The following EDARADD variants were observed in gnomAD, a reference collection of about 807,000 sequenced individuals.
The protein encoded by EDARADD is EDAR associated via death domain.
Under a neutral mutation model 25.6 loss-of-function variants are expected in EDARADD, and 20 were observed. The observed-to-expected ratio is 0.78, with a 90% CI of 0.55 to 1.14. EDARADD has a LOEUF of 1.14. EDARADD is among the 50% of genes most tolerant of loss of function. The pLI, the probability that EDARADD is intolerant of heterozygous loss-of-function variation, is 0.00. For synonymous variants in EDARADD, 86 were observed against 94.4 expected (o/e 0.91, Z 0.52); for missense variants, 225 against 270.1 (o/e 0.83, Z 1.17).
Position 236,482,644 on chromosome 1 carries a change from T to A in EDARADD, c.643T>A (p.Phe215Ile). The A allele has an allele frequency of 6.2e-7, 1 of 1,611,796 alleles. No homozygotes were observed. Among genetic ancestry groups the A allele is most frequent in the South Asian group, 1.1e-5 (1 of 91,006 alleles). Residue 215 changes from phenylalanine (F) to isoleucine (I), a missense_variant, in exon 6 of 6, where the codon TTC (phenylalanine) becomes ATC (isoleucine). Physicochemically the swap from Phe to Ile is conservative, Grantham distance 21. Coordinates refer to ENST00000334232, the MANE Select transcript of EDARADD (RefSeq NM_145861.4). ...GGAGCGTGGAGACCCCTCCAGGCAC[T>A]TCTAGAGCTCTTCTTCTTCCTTCAT... Reference protein sequence around the residue: ...KRERGDPSRHF With the variant: ...KRERGDPSRHI
chr1:236,367,219 T>G (rs12124791), intron 3 of EDARADD, among the ~76,000 whole-genome samples: 51,893 of 151,018 alleles, frequency 0.34, 9,162 homozygotes, highest in African/African-American at 0.42. Context: ...AGAAACTAAG[T>G]GTTTTATTTA....
rs189631393 is a variant in EDARADD, at chr1:236,368,260, C to T, written c.-6+17421C>T. Reference sequence around the variant, plus strand: ...TCAGCATCACAAGGAAGCCTCTGGCCGGCATTTAAGGTCTTCAGTCGGGCT... The same window carrying T: ...TCAGCATCACAAGGAAGCCTCTGGCTGGCATTTAAGGTCTTCAGTCGGGCT... On this transcript the variant is annotated intron_variant, in intron 3 of 7. Transcript: ENST00000439430. Among the ~76,000 whole-genome samples the T allele has an allele frequency of 1.1e-3, 174 of 152,218 alleles. 1 individual carries two copies. The highest frequency in any genetic ancestry group is 3.8e-3 in the African/African-American group (157 of 41,548).
rs189234756 is a variant in EDARADD, at chr1:236,427,386, T to C, written c.161-6T>C. ...TTCTTTCTTTCTTTCTTTTTTTTTT[T>C]CCTAGCTGAAGAATGTGATACAATT... On this transcript the variant is annotated splice_polypyrimidine_tract_variant and splice_region_variant and intron_variant, in intron 3 of 5. Transcript: ENST00000334232. 8.5e-5 allele frequency: 137 copies of C among 1,607,168 alleles called. No individual in the cohort carries two copies. In the East Asian group the frequency reaches 1.8e-3, roughly 21 times the overall value.
chr1:236,397,020 T>G (rs185215297), intron 1 of EDARADD, among the ~76,000 whole-genome samples: 361 of 148,032 alleles, frequency 2.4e-3, no homozygotes, highest in Non-Finnish European at 3.6e-3. Context: ...ATACACTGCA[T>G]GGAGATAAAA....
intron 4 of EDARADD, among the ~76,000 whole-genome samples, chr1:236,457,432 T>A (rs903769245): frequency 3.3e-4 from 50 of 152,090 alleles, no homozygotes; most frequent in African/African-American, 1.2e-3. Flanking sequence ...GGAGGATGGC[T>A]TGAGCTCTGG....
chr1:236,463,142 G>A (rs1258493273), intron 4 of EDARADD, among the ~76,000 whole-genome samples: 5 of 152,196 alleles, frequency 3.3e-5, no homozygotes, highest in Non-Finnish European at 5.9e-5. Flanking sequence ...TTATTCACAC[G>A]GCATTTCTCT....
rs5781887 is a variant in EDARADD at position 236,458,641 on chromosome 1, C to CTTTT, written c.220-9574_220-9571dup. Reference sequence around the variant, plus strand: ...TGTGTTTTTGGTATTTTTTCTTTTTCTTTTTTTTTTTTTTTTTTTGAGACG... The same window carrying CTTTT: ...TGTGTTTTTGGTATTTTTTCTTTTTCTTTTTTTTTTTTTTTTTTTTTTTGAGACG... On this transcript the variant is annotated intron_variant, in intron 4 of 5. Transcript: ENST00000334232. Among the ~76,000 whole-genome samples the CTTTT allele has an allele frequency of 2.4e-4, 27 of 113,536 alleles. 2 individuals are homozygous for CTTTT. The highest frequency in any genetic ancestry group is 6.3e-4 in the African/African-American group (19 of 30,362). The allele number at this position is 113,536 out of a possible 152,430, so 74.5% of individuals were successfully genotyped here.
chr1:236,451,888 C>T (rs1173233581), intron 4 of EDARADD, among the ~76,000 whole-genome samples: 1 of 152,082 alleles, frequency 6.6e-6, no homozygotes, highest in Non-Finnish European at 1.5e-5. Flanking sequence ...TTTACACCTC[C>T]CCCCAGCAGC....
chr1:236,420,257 C>T (rs1399817872), intron 3 of EDARADD, among the ~76,000 whole-genome samples: 1 of 152,186 alleles, frequency 6.6e-6, no homozygotes, highest in African/African-American at 2.4e-5. Flanking sequence ...TCAATCAATC[C>T]CTCACTTCAT....
intron 5 of EDARADD, among the ~76,000 whole-genome samples, chr1:236,472,277 G>A (rs778461906): frequency 2.0e-5 from 3 of 152,142 alleles, no homozygotes; most frequent in Non-Finnish European, 2.9e-5. Context: ...TTTGGCAGGC[G>A]CTCCTGACTA....
chr1:236,428,147 A>G (rs1249982660), intron 4 of EDARADD, among the ~76,000 whole-genome samples: 1 of 151,986 alleles, frequency 6.6e-6, no homozygotes, highest in East Asian at 1.9e-4. Flanking sequence ...GTCCCTGGGT[A>G]CTTGAGATTA....
Position 236,395,406 on chromosome 1 carries a change from G to T in EDARADD, c.61+901G>T. On this transcript the variant is annotated intron_variant, in intron 1 of 5. Coordinates refer to ENST00000334232, the MANE Select transcript of EDARADD (RefSeq NM_145861.4). This position sits in a 1 kb window ranked among gnomAD's most constrained non-coding sequence, Gnocchi z 6.9. ...AGGTACCGAGGGACGCGCAGCGAAG[G>T]GGCTTTGCTAATTGCCAAAGCAGGA... 1 of 1,427,900 alleles carries T rather than the reference G, an allele frequency of 7.0e-7. No homozygotes were observed. Among genetic ancestry groups the T allele is most frequent in the Non-Finnish European group, 9.2e-7 (1 of 1,090,380 alleles). The allele number at this position is 1,427,900 out of a possible 1,614,324, so 88.5% of individuals were successfully genotyped here. A position where few individuals can be genotyped will look rare whatever the true frequency, so the allele number is the denominator to read the frequency against.
chr1:236,402,832 G>A (rs1382266287), intron 1 of EDARADD, among the ~76,000 whole-genome samples: 1 of 152,168 alleles, frequency 6.6e-6, no homozygotes, highest in African/African-American at 2.4e-5. Context: ...GATACTCAAT[G>A]TGTGAAAAAG....
chr1:236,371,133 T>G (rs1202094763), intron 3 of EDARADD, among the ~76,000 whole-genome samples: 3 of 152,254 alleles, frequency 2.0e-5, no homozygotes, highest in Admixed American at 6.5e-5. Context: ...ACATAGATCT[T>G]GTACATATTT....
intron 3 of EDARADD, among the ~76,000 whole-genome samples, chr1:236,367,634 G>A (rs1328663578): frequency 6.6e-6 from 1 of 152,090 alleles, no homozygotes; most frequent in Non-Finnish European, 1.5e-5. Flanking sequence ...CAAAGTTCTG[G>A]GATCATAGGT....
chr1:236,470,754 G>A (rs545974784), intron 5 of EDARADD, among the ~76,000 whole-genome samples: 5 of 151,960 alleles, frequency 3.3e-5, no homozygotes, highest in African/African-American at 4.8e-5. Flanking sequence ...GATTACAGGC[G>A]CCCACCACCA....
intron 4 of EDARADD, among the ~76,000 whole-genome samples, chr1:236,458,491 A>G (rs1298761165): frequency 2.6e-5 from 4 of 152,192 alleles, no homozygotes; most frequent in African/African-American, 9.6e-5. Context: ...CTAGATTGTA[A>G]CCAGTAACAT....
At chr1:236,419,994 A>G (rs1366873990) in intron 3 of EDARADD, among the ~76,000 whole-genome samples, 1 of 152,190 alleles carries the variant, frequency 6.6e-6, no homozygotes, top group Non-Finnish European at 1.5e-5. Flanking sequence ...CCTGGTCAAC[A>G]TGGCGATACC....
chr1:236,470,655 G>C (rs2103036771), intron 5 of EDARADD, among the ~76,000 whole-genome samples: 1 of 152,212 alleles, frequency 6.6e-6, no homozygotes, highest in South Asian at 2.1e-4. Flanking sequence ...GCCCAGGCTG[G>C]AGTGCAATGG....
Sources: allele counts gnomAD v4.1 joint callset (sites outside exome capture counted in the v4.1 genomes callset), GRCh38; gene constraint gnomAD v4.1.1; non-coding constraint Gnocchi (gnomAD v3.1); transcripts MANE v1.5; gene names NCBI Gene and HGNC (gene_info 2026-07-23, HGNC 2026-07-21).